The following HLCS variants were observed in gnomAD, a reference collection of about 807,000 sequenced individuals.
HLCS encodes the protein holocarboxylase synthetase.
HLCS carries 53 observed loss-of-function variants against 75.0 expected under a neutral mutation model. That is an observed-to-expected ratio of 0.71 (90% confidence interval 0.57 to 0.89). The LOEUF is 0.89. Among genes scored for constraint, HLCS ranks in the 40% least tolerant of loss-of-function variants. HLCS has a pLI of 0.00. For missense variants in HLCS, 966 were observed against 1,074.0 expected (o/e 0.90, Z 1.41); for synonymous variants, 431 against 428.6 (o/e 1.01, Z -0.07).
intron 6 of HLCS, among the ~76,000 whole-genome samples, chr21:36,841,325 C>G (rs1262931946): frequency 6.6e-6 from 1 of 152,192 alleles, no homozygotes; most frequent in African/African-American, 2.4e-5. Context: ...ATAGTAGAGA[C>G]AATTTACAAT....
At chr21:36,892,605 G>A (rs967451197) in intron 6 of HLCS, among the ~76,000 whole-genome samples, 2 of 152,200 alleles carry the variant, frequency 1.3e-5, no homozygotes, top group African/African-American at 2.4e-5. Context: ...TGAGGAAGAG[G>A]TGAGAGTTTT....
chr21:36,941,925 T>G (rs1052490909), intron 2 of HLCS, among the ~76,000 whole-genome samples: 52 of 152,128 alleles, frequency 3.4e-4, no homozygotes, highest in African/African-American at 1.2e-3. Flanking sequence ...AAGAACCACT[T>G]GAACCCGGGA....
intron 6 of HLCS, among the ~76,000 whole-genome samples, chr21:36,839,718 C>T (rs1452538031): frequency 7.3e-6 from 1 of 136,358 alleles, no homozygotes; most frequent in Non-Finnish European, 1.6e-5. Context: ...CAATATCCTA[C>T]ACACATGTTT....
At chr21:36,882,694 C>A (rs555604225) in intron 6 of HLCS, among the ~76,000 whole-genome samples, 1 of 148,614 alleles carries the variant, frequency 6.7e-6, no homozygotes, top group East Asian at 2.0e-4. Context: ...ATCTCCTGAC[C>A]TCGTGATCCA....
At chr21:36,878,532 T>G (rs925681536) in intron 6 of HLCS, among the ~76,000 whole-genome samples, 7 of 152,168 alleles carry the variant, frequency 4.6e-5, no homozygotes, top group African/African-American at 1.7e-4. Context: ...ATACTTACCA[T>G]TGTATTTAAT....
rs187514368 is a variant in HLCS, at chr21:36,890,104, A to G, written c.1892+6756T>C. 2.3e-3 allele frequency among the ~76,000 whole-genome samples: 355 copies of G among 152,258 alleles called. 2 individuals are homozygous for G. Among genetic ancestry groups the G allele is most frequent in the African/African-American group, 7.7e-3 (319 of 41,530 alleles). ...CATTCTCCTGCCTGCCGCCTTGTGA[A>G]GAAGGTGCCTTGCTTCCCTTCACCT... On this transcript the variant is annotated intron_variant, in intron 6 of 10. Coordinates refer to ENST00000674895, the MANE Select transcript of HLCS (RefSeq NM_001352514.2).
intron 1 of HLCS, among the ~76,000 whole-genome samples, chr21:36,976,968 A>G (rs996943949): frequency 1.3e-5 from 2 of 152,096 alleles, no homozygotes; most frequent in Non-Finnish European, 2.9e-5. Context: ...GCAATCTACA[A>G]ACATTTGATA....
Position 36,896,921 on chromosome 21 carries a change from GC to G in HLCS, c.1830del (p.Lys610AsnfsTer6), listed in dbSNP as rs1184750594. Reference protein sequence around the residue: ...LEIYRQNLQTKQLGKVILFAE... With the variant: ...LEIYRQNLQTXQLGKVILFAE... ...GCAAACAAAATTACTTTCCCCAACT[GC>G]TTGGTCTGCAGATTTTGGCGATAGA... On this transcript the variant is annotated frameshift_variant, in exon 6 of 11. Transcript: ENST00000674895. LOFTEE classifies it high-confidence loss of function. 1 of 1,614,028 alleles carries G rather than the reference GC, an allele frequency of 6.2e-7. No homozygotes were observed. The highest frequency in any genetic ancestry group is 2.2e-5 in the East Asian group (1 of 44,896).
intron 4 of HLCS, among the ~76,000 whole-genome samples, chr21:36,935,042 T>C (rs749816100): frequency 3.3e-5 from 5 of 152,226 alleles, no homozygotes; most frequent in Admixed American, 6.5e-5. Flanking sequence ...AGATTTGCTA[T>C]GTAACTCGGA....
rs141003741 is a variant in HLCS at position 36,977,147 on chromosome 21, C to T, written c.-393+13011G>A. 2.7e-4 allele frequency among the ~76,000 whole-genome samples: 41 copies of T among 152,022 alleles called. 1 individual carries two copies. The East Asian group carries it at 7.2e-3, about 27-fold the overall frequency. ...TTTTACCTAGTTGACCACTAGAGAG[C>T]GAAGCGGTCACAAATTTTTTCTCTG... On this transcript the variant is annotated intron_variant, in intron 1 of 11. Coordinates refer to the HLCS transcript ENST00000336648.
At chr21:36,921,714 C>A (rs919087812) in intron 5 of HLCS, among the ~76,000 whole-genome samples, 12 of 152,162 alleles carry the variant, frequency 7.9e-5, no homozygotes, top group African/African-American at 2.9e-4. Context: ...CAGCACAGTG[C>A]CAAAGCAGCC....
intron 6 of HLCS, among the ~76,000 whole-genome samples, chr21:36,793,262 G>A (rs1256431431): frequency 6.6e-6 from 1 of 150,852 alleles, no homozygotes; most frequent in Non-Finnish European, 1.5e-5. Context: ...GCCTGTCGGA[G>A]GGCTCGGAGA....
At chr21:36,951,466 C>T (rs929723009) in intron 2 of HLCS, among the ~76,000 whole-genome samples, 6 of 152,212 alleles carry the variant, frequency 3.9e-5, no homozygotes, top group African/African-American at 1.4e-4. Context: ...CCTGACCTCA[C>T]GCATCTAAGT....
At chr21:36,928,129 G>A (rs1453766866) in intron 5 of HLCS, among the ~76,000 whole-genome samples, 1 of 152,172 alleles carries the variant, frequency 6.6e-6, no homozygotes, top group Non-Finnish European at 1.5e-5. Context: ...GCTGCCTCCG[G>A]AAAGACCACC....
rs2062642979 is a variant in HLCS, at chr21:36,842,340, T to C, written c.1892+54520A>G. On this transcript the variant is annotated intron_variant, in intron 6 of 10. Transcript: ENST00000674895. The surrounding 1 kb of genome is among the most constrained non-coding windows in gnomAD (Gnocchi z 4.2). ...GCCTCTGACTGCTGGAACCCATTTC[T>C]TGATCTGGCTACATGTGAGAGAGTT... Among the ~76,000 whole-genome samples the C allele has an allele frequency of 6.6e-6, 1 of 152,228 alleles. No individual in the cohort carries two copies.
At chr21:36,817,561 T>C (rs2061699369) in intron 6 of HLCS, among the ~76,000 whole-genome samples, 1 of 152,194 alleles carries the variant, frequency 6.6e-6, no homozygotes, top group South Asian at 2.1e-4. Context: ...CTCCGCCTGC[T>C]TCTTCACCCA....
chr21:36,877,431 G>A (rs1006043574), intron 6 of HLCS, among the ~76,000 whole-genome samples: 3 of 151,738 alleles, frequency 2.0e-5, no homozygotes, highest in African/African-American at 7.3e-5. Context: ...TTATCCTAGG[G>A]ATTACAATGT....
rs751350074 is a variant in HLCS at position 36,750,569 on chromosome 21, C to T, written c.*3677G>A. 1.3e-5 allele frequency among the ~76,000 whole-genome samples: 2 copies of T among 152,064 alleles called. No homozygotes were observed. Among genetic ancestry groups the T allele is most frequent in the African/African-American group, 4.8e-5 (2 of 41,376 alleles). On this transcript the variant is annotated 3_prime_UTR_variant, in exon 11 of 11. Transcript: ENST00000674895. ...CCCTAAGAGTGGGGGAGGTTTAATA[C>T]GGCCAATGGATCTTGTATAAAGTCT... is the stretch of plus-strand genomic sequence containing the variant.
intron 6 of HLCS, among the ~76,000 whole-genome samples, chr21:36,847,596 C>T (rs1443136615): frequency 2.6e-5 from 4 of 152,114 alleles, no homozygotes; most frequent in Non-Finnish European, 5.9e-5. Flanking sequence ...ATATGATAAA[C>T]TGTAAAACCA....
Sources: gnomAD v4.1 joint callset for allele counts (sites outside exome capture counted in the v4.1 genomes callset) on GRCh38, gnomAD v4.1.1 for gene constraint, Gnocchi (gnomAD v3.1) non-coding constraint, MANE v1.5 for transcripts, NCBI Gene and HGNC (gene_info 2026-07-23, HGNC 2026-07-21) for gene names.